SMIM41: variants seen among roughly 807,000 people sequenced by gnomAD.
The protein encoded by SMIM41 is small integral membrane protein 41.
intron 2 of SMIM41, among the ~76,000 whole-genome samples, chr12:52,095,215 G>T (rs1165513370): frequency 6.6e-5 from 10 of 152,000 alleles, no homozygotes; most frequent in Admixed American, 5.9e-4. Context: ...CCCCACCGCT[G>T]GATATTACAA....
chr12:52,080,772 G>A (rs1221977059), intron 1 of SMIM41, among the ~76,000 whole-genome samples: 2 of 152,192 alleles, frequency 1.3e-5, no homozygotes, highest in African/African-American at 4.8e-5. Context: ...AGACAGGGAG[G>A]GGAGTGTGGT....
intron 2 of SMIM41, among the ~76,000 whole-genome samples, chr12:52,098,871 G>A (rs1201757080): frequency 6.6e-6 from 1 of 151,858 alleles, no homozygotes; most frequent in Non-Finnish European, 1.5e-5. Context: ...CTCCCTCCCA[G>A]GGTATTCAGA....
intron 2 of SMIM41, among the ~76,000 whole-genome samples, chr12:52,103,573 A>G (rs1940264762): frequency 6.6e-6 from 1 of 151,980 alleles, no homozygotes; most frequent in African/African-American, 2.4e-5. Flanking sequence ...AGCCTGGCCA[A>G]TATGGTGAAA....
chr12:52,100,697 T>A (rs1263143884), intron 2 of SMIM41, among the ~76,000 whole-genome samples: 1 of 145,700 alleles, frequency 6.9e-6, no homozygotes, highest in Non-Finnish European at 1.5e-5. Context: ...GGTCTTGAAC[T>A]CCCGACCTCA....
At chr12:52,101,293 C>T (rs182552847) in intron 2 of SMIM41, among the ~76,000 whole-genome samples, 214 of 152,230 alleles carry the variant, frequency 1.4e-3, no homozygotes, top group Non-Finnish European at 2.3e-3. Context: ...GGTGTGGTGA[C>T]GTGTGCCTGT....
intron 1 of SMIM41, among the ~76,000 whole-genome samples, 200 bp from the exon 2 acceptor site, chr12:52,083,694 G>T (rs1472849614): frequency 1.3e-5 from 2 of 152,204 alleles, no homozygotes; most frequent in East Asian, 3.9e-4. Flanking sequence ...AGATGGGAGT[G>T]GGTATCGTGA....
At chr12:52,095,760 A>AG (rs1178841709) in intron 2 of SMIM41, among the ~76,000 whole-genome samples, 1 of 152,148 alleles carries the variant, frequency 6.6e-6, no homozygotes, top group Admixed American at 6.5e-5. Context: ...ACAATATCAC[A>AG]GGGGGGCTGT....
chr12:52,099,511 G>A (rs901051631), intron 2 of SMIM41, among the ~76,000 whole-genome samples: 41 of 152,072 alleles, frequency 2.7e-4, no homozygotes, highest in African/African-American at 8.9e-4. Flanking sequence ...AGTATCACGG[G>A]GTGGGGGGTG....
intron 2 of SMIM41, among the ~76,000 whole-genome samples, chr12:52,103,368 A>C (rs562379812): frequency 3.3e-5 from 5 of 151,894 alleles, no homozygotes; most frequent in East Asian, 1.9e-4. Flanking sequence ...AAAAAAAAAA[A>C]AAAACCAAAA....
intron 2 of SMIM41, among the ~76,000 whole-genome samples, chr12:52,105,274 T>C (rs1191603076): frequency 2.0e-5 from 3 of 152,242 alleles, no homozygotes; most frequent in Admixed American, 2.0e-4. Context: ...CCAGAAAGAA[T>C]TGGCACAGGA....
intron 2 of SMIM41, among the ~76,000 whole-genome samples, chr12:52,093,295 G>C (rs1940035276): frequency 6.6e-6 from 1 of 152,224 alleles, no homozygotes; most frequent in Admixed American, 6.5e-5. Context: ...ATGTTCAATA[G>C]TTTCATACAG....
intron 2 of SMIM41, among the ~76,000 whole-genome samples, chr12:52,086,986 G>C (rs1319558814): frequency 5.9e-5 from 9 of 152,150 alleles, no homozygotes; most frequent in African/African-American, 2.2e-4. Context: ...TCACACCCTT[G>C]AGCAGACTGA....
chr12:52,081,589 T>C lies in SMIM41; in HGVS notation c.*120+1408T>C, dbSNP rs1939820540. On this transcript the variant is annotated intron_variant, in intron 1 of 2. Coordinates refer to ENST00000546390, the MANE Select transcript of SMIM41 (RefSeq NM_001369216.1). This position sits in a 1 kb window ranked among gnomAD's most constrained non-coding sequence, Gnocchi z 4.1. ...GGCGTGTGTGTAGTGTGTCTGTTAC[T>C]GCACCTGGCACAGGCAGGGGGCTGG... Among the ~76,000 whole-genome samples, 1 of 152,084 alleles carries C rather than the reference T, an allele frequency of 6.6e-6. No homozygotes were observed. The highest frequency in any genetic ancestry group is 1.5e-5 in the Non-Finnish European group (1 of 67,976).
intron 2 of SMIM41, among the ~76,000 whole-genome samples, chr12:52,101,360 G>T (rs920856756): frequency 6.6e-6 from 1 of 152,202 alleles, no homozygotes; most frequent in Admixed American, 6.5e-5. Context: ...GGGAGGCGGA[G>T]GTTGCAGTGA....
intron 2 of SMIM41, among the ~76,000 whole-genome samples, chr12:52,099,008 T>TC (rs1940162316): frequency 6.6e-6 from 1 of 151,956 alleles, no homozygotes; most frequent in Non-Finnish European, 1.5e-5. Context: ...AGTAATATCA[T>TC]CTTCTCTCTC....
chr12:52,101,706 G>GT (rs938400211), intron 2 of SMIM41, among the ~76,000 whole-genome samples: 36 of 151,396 alleles, frequency 2.4e-4, no homozygotes, highest in African/African-American at 5.6e-4. Context: ...AAATCATGCT[G>GT]TTTTTTTGTT....
intron 2 of SMIM41, among the ~76,000 whole-genome samples, chr12:52,094,145 A>AAG (rs1341277574): frequency 6.9e-6 from 1 of 144,974 alleles, no homozygotes; most frequent in Admixed American, 6.9e-5. Flanking sequence ...AAAAAAAAAA[A>AAG]GAAAAAGAAA....
intron 2 of SMIM41, among the ~76,000 whole-genome samples, chr12:52,084,548 C>T (rs1939865837): frequency 6.6e-6 from 1 of 152,176 alleles, no homozygotes; most frequent in African/African-American, 2.4e-5. Flanking sequence ...GAGAGCTCTG[C>T]TGGGATTAGC....
In SMIM41 at chr12:52,080,049, C is replaced by T; in HGVS notation, c.270C>T (p.Asp90=). 2.7e-6 allele frequency: 1 copy of T among 365,602 alleles called. No homozygotes were observed. Among genetic ancestry groups the T allele is most frequent in the Non-Finnish European group, 4.9e-6 (1 of 204,628 alleles). The allele number at this position is 365,602 out of a possible 1,614,324, so 22.6% of individuals were successfully genotyped here. A position where few individuals can be genotyped will look rare whatever the true frequency, so the allele number is the denominator to read the frequency against. Residue 90 remains aspartate, a synonymous_variant, in exon 1 of 3, where the codon GAC becomes GAT. Transcript: ENST00000546390. ...GCAGTGCCAGCGGAGAGGACGGCGA[C>T]GACGACTCCTAGGCGCCCGGCTGCG... ...EPGSASGEDG[D]DDS
Sources: gnomAD v4.1 joint callset for allele counts (sites outside exome capture counted in the v4.1 genomes callset) on GRCh38, gnomAD v4.1.1 for gene constraint, Gnocchi (gnomAD v3.1) non-coding constraint, MANE v1.5 for transcripts, NCBI Gene and HGNC (gene_info 2026-07-23, HGNC 2026-07-21) for gene names.